RBFOX1: variants seen among roughly 807,000 people sequenced by gnomAD.
RBFOX1 encodes the protein RNA binding protein fox-1 homolog 1.
RBFOX1 carries 8 observed loss-of-function variants against 57.7 expected under a neutral mutation model. The ratio of observed to expected loss-of-function variants is 0.14; its 90% confidence interval spans 0.08 to 0.25. RBFOX1 has a LOEUF of 0.25. RBFOX1 is among the 10% of genes least tolerant of loss of function. The pLI, the probability that RBFOX1 is intolerant of heterozygous loss-of-function variation, is 1.00. For synonymous variants in RBFOX1, 326 were observed against 222.4 expected (o/e 1.47, Z -4.15); for missense variants, 611 against 548.5 (o/e 1.11, Z -1.14).
chr16:7,020,593 T>G (rs2038712147), intron 3 of RBFOX1, among the ~76,000 whole-genome samples: 1 of 152,164 alleles, frequency 6.6e-6, no homozygotes, highest in African/African-American at 2.4e-5. Flanking sequence ...TATCTGTGTT[T>G]TATCAAAGCA....
chr16:6,732,351 C>G (rs1385338316), intron 3 of RBFOX1, among the ~76,000 whole-genome samples: 3 of 152,202 alleles, frequency 2.0e-5, no homozygotes, highest in Non-Finnish European at 4.4e-5. Context: ...GAGTGAGTCT[C>G]TGACAGATGC....
intron 4 of RBFOX1, among the ~76,000 whole-genome samples, chr16:7,355,523 C>A (rs538089581): frequency 8.5e-5 from 13 of 152,212 alleles, no homozygotes; most frequent in African/African-American, 3.1e-4. Flanking sequence ...ACAAGGACAC[C>A]ATGCACGTGT....
chr16:5,935,578 G>A (rs1287511662), intron 4 of RBFOX1, among the ~76,000 whole-genome samples: 3 of 152,174 alleles, frequency 2.0e-5, no homozygotes, highest in Non-Finnish European at 4.4e-5. Flanking sequence ...GGGGATCTGG[G>A]TTCTGGACTG....
At chr16:7,453,575 A>C (rs1311859191) in intron 4 of RBFOX1, among the ~76,000 whole-genome samples, 1 of 152,182 alleles carries the variant, frequency 6.6e-6, no homozygotes, top group East Asian at 1.9e-4. Context: ...GCTCTGAGAA[A>C]ACAAATGGCA....
intron 3 of RBFOX1, among the ~76,000 whole-genome samples, chr16:6,793,908 T>G (rs2083437558): frequency 6.6e-6 from 1 of 152,140 alleles, no homozygotes. Context: ...ATCTCCCTCT[T>G]GAGCAGTAGT....
chr16:5,532,846 A>C (rs1390276554), intron 2 of RBFOX1, among the ~76,000 whole-genome samples: 3 of 152,280 alleles, frequency 2.0e-5, no homozygotes, highest in South Asian at 4.1e-4. Flanking sequence ...AAGTCTGTGC[A>C]ATGTATTCCA....
intron 1 of RBFOX1, among the ~76,000 whole-genome samples, chr16:6,253,468 C>G (rs1314875487): frequency 6.6e-6 from 1 of 152,126 alleles, no homozygotes; most frequent in Non-Finnish European, 1.5e-5. Context: ...GGCTCGTTTT[C>G]CAAAGTCACA....
chr16:6,771,719 T>A (rs1273436370), intron 3 of RBFOX1, among the ~76,000 whole-genome samples: 2 of 152,200 alleles, frequency 1.3e-5, no homozygotes, highest in Non-Finnish European at 2.9e-5. Context: ...GCTACTGGCG[T>A]CTAGCGGGTG....
intron 3 of RBFOX1, among the ~76,000 whole-genome samples, chr16:5,814,950 GAAAA>G (rs1269165369): frequency 6.8e-6 from 1 of 146,516 alleles, no homozygotes; most frequent in African/African-American, 2.5e-5. Flanking sequence ...AGAAAAAAAA[GAAAA>G]AAAAAAAATT....
At chr16:6,212,703 T>C (rs981262776) in intron 1 of RBFOX1, among the ~76,000 whole-genome samples, 3 of 98,436 alleles carry the variant, frequency 3.0e-5, no homozygotes, top group African/African-American at 9.9e-5. Flanking sequence ...TGAGAGTCTG[T>C]CAAAAAAACA....
intron 2 of RBFOX1, among the ~76,000 whole-genome samples, chr16:5,544,909 C>A (rs1383560029): frequency 7.0e-6 from 1 of 142,100 alleles, no homozygotes; most frequent in Non-Finnish European, 1.5e-5. Context: ...AAAACTTTCC[C>A]ACAAAGACAA....
At chr16:5,871,337 C>T (rs761134448) in intron 4 of RBFOX1, among the ~76,000 whole-genome samples, 1 of 152,324 alleles carries the variant, frequency 6.6e-6, no homozygotes, top group East Asian at 1.9e-4. Flanking sequence ...ATGTCACATA[C>T]ATAATATAAC....
At chr16:7,710,365 A>C in intron 15 of RBFOX1, 2 of 1,315,602 alleles carry the variant, frequency 1.5e-6, no homozygotes, top group Non-Finnish European at 1.9e-6. Flanking sequence ...TCCATTGTCC[A>C]GCTTATAATA....
chr16:5,455,679 TC>T (rs1387050904), intron 1 of RBFOX1, among the ~76,000 whole-genome samples: 6 of 152,234 alleles, frequency 3.9e-5, no homozygotes, highest in African/African-American at 1.4e-4. Flanking sequence ...CATATGATTT[TC>T]AGCAACATAG....
intron 2 of RBFOX1, among the ~76,000 whole-genome samples, chr16:6,570,849 T>C (rs2097335192): frequency 6.6e-6 from 1 of 152,142 alleles, no homozygotes; most frequent in African/African-American, 2.4e-5. Flanking sequence ...AATACCATTC[T>C]TGATGGGTGC....
At chr16:6,566,478 C>G (rs924245099) in intron 2 of RBFOX1, among the ~76,000 whole-genome samples, 4 of 151,950 alleles carry the variant, frequency 2.6e-5, no homozygotes, top group Non-Finnish European at 5.9e-5. Context: ...TGTTGGCTTT[C>G]TTAATCTACA....
At chr16:6,165,607 G>C (rs2096911277) in intron 1 of RBFOX1, among the ~76,000 whole-genome samples, 1 of 152,138 alleles carries the variant, frequency 6.6e-6, no homozygotes, top group Non-Finnish European at 1.5e-5. Flanking sequence ...AAAATGTCAG[G>C]GTGTTGTAGC....
chr16:5,900,365 C>G (rs998913946), intron 4 of RBFOX1, among the ~76,000 whole-genome samples: 1 of 152,080 alleles, frequency 6.6e-6, no homozygotes, highest in Non-Finnish European at 1.5e-5. Context: ...GTGTGTTTTC[C>G]TAGCAGAGAG....
chr16:5,544,951 CTTTTTTTTTTTTTTTTTTTTTTTTT>C (rs59873374), intron 2 of RBFOX1, among the ~76,000 whole-genome samples: 6 of 124,414 alleles, frequency 4.8e-5, no homozygotes, highest in Admixed American at 1.6e-4. Context: ...CTATTACATT[CTTTTTTTTTTTTTTTTTTTTTTTTT>C]TTTTTTTTTT....
Sources: allele counts gnomAD v4.1 joint callset (sites outside exome capture counted in the v4.1 genomes callset), GRCh38; gene constraint gnomAD v4.1.1; transcripts MANE v1.5; gene names NCBI Gene and HGNC (gene_info 2026-07-23, HGNC 2026-07-21).